Variants in VGLL4 observed in about 807,000 individuals in gnomAD.
VGLL4 encodes the protein vestigial like family member 4.
In VGLL4, 7 loss-of-function variants were observed where a neutral mutation model predicts 21.0. That is an observed-to-expected ratio of 0.33 (90% CI 0.19 to 0.63). The LOEUF is 0.63. VGLL4 is among the 20% of genes least tolerant of loss of function. VGLL4 has a pLI of 0.78. For synonymous variants in VGLL4, 222 were observed against 173.2 expected (o/e 1.28, Z -2.21); for missense variants, 394 against 425.7 (o/e 0.93, Z 0.66).
chr3:11,627,595 CAAAAAA>C (rs57607183), intron 1 of VGLL4, among the ~76,000 whole-genome samples: 120 of 118,788 alleles, frequency 1.0e-3, no homozygotes, highest in Middle Eastern at 4.3e-3. Flanking sequence ...AACTTCATCT[CAAAAAA>C]AAAAAAAAAA....
intron 2 of VGLL4, among the ~76,000 whole-genome samples, chr3:11,596,948 G>C (rs999427243): frequency 6.6e-6 from 1 of 152,080 alleles, no homozygotes; most frequent in East Asian, 1.9e-4. Flanking sequence ...GAGTCCCCTG[G>C]AAAAACGGCT....
intron 1 of VGLL4, among the ~76,000 whole-genome samples, chr3:11,636,221 C>T (rs17778035): frequency 0.18 from 27,368 of 152,118 alleles, 2,701 homozygotes; most frequent in South Asian, 0.26. Context: ...TGTAGAGTCT[C>T]CCAGCTGGAT....
intron 1 of VGLL4, among the ~76,000 whole-genome samples, chr3:11,613,713 A>G (rs2075106589): frequency 6.6e-6 from 1 of 152,172 alleles, no homozygotes; most frequent in East Asian, 1.9e-4. Flanking sequence ...ACCGTGAGGG[A>G]TTTCTATGCG....
intron 2 of VGLL4, among the ~76,000 whole-genome samples, chr3:11,667,454 T>A (rs2076142635): frequency 6.6e-6 from 1 of 152,238 alleles, no homozygotes; most frequent in Non-Finnish European, 1.5e-5. Context: ...ACTATTTACA[T>A]ATTGACATAT....
intron 1 of VGLL4, among the ~76,000 whole-genome samples, chr3:11,706,641 C>T (rs2076764742): frequency 6.6e-6 from 1 of 152,122 alleles, no homozygotes; most frequent in South Asian, 2.1e-4. Flanking sequence ...AATTTCCTTC[C>T]CCGGTTGCCC....
Position 11,719,154 on chromosome 3 carries a change from C to T in VGLL4, c.-14+1240G>A, listed in dbSNP as rs1249909610. Among the ~76,000 whole-genome samples, 1 of 152,194 alleles carries T rather than the reference C, an allele frequency of 6.6e-6. No homozygotes were observed. The highest frequency in any genetic ancestry group is 1.5e-5 in the Non-Finnish European group (1 of 68,020). ...CCTTCCCGCAGTCCACATCACAGCCCTCCCTGAGGCCGGCGGGGACCGCGG... is the reference window on the plus strand; with the variant it reads ...CCTTCCCGCAGTCCACATCACAGCCTTCCCTGAGGCCGGCGGGGACCGCGG... On this transcript the variant is annotated intron_variant, in intron 1 of 5. Transcript: ENST00000273038. This position sits in a 1 kb window ranked among gnomAD's most constrained non-coding sequence, Gnocchi z 4.0.
chr3:11,616,251 G>A (rs985450413), intron 1 of VGLL4, among the ~76,000 whole-genome samples: 1 of 151,978 alleles, frequency 6.6e-6, no homozygotes, highest in Non-Finnish European at 1.5e-5. Context: ...TTTCAGGTCT[G>A]GTCTAGAGTG....
At position 11,558,467 on chromosome 3, in the gene VGLL4, C is replaced by T; in HGVS notation, c.*89G>A. On this transcript the variant is annotated 3_prime_UTR_variant, in exon 5 of 5. Coordinates refer to ENST00000430365, the MANE Select transcript of VGLL4 (RefSeq NM_001128219.3). ...CATCCCTTCCCTTCCCCCCACCCCA[C>T]CCCCATGATTTTTTTTTTTTTAAGT... 1 of 1,290,438 alleles carries T rather than the reference C, an allele frequency of 7.7e-7. No individual in the cohort carries two copies. Among genetic ancestry groups the T allele is most frequent in the South Asian group, 1.3e-5 (1 of 74,186 alleles). 79.9% of individuals were successfully genotyped at this position (1,290,438 alleles called of 1,614,324 possible). A position where few individuals can be genotyped will look rare whatever the true frequency, so the allele number is the denominator to read the frequency against.
At chr3:11,635,164 G>A (rs921689560) in intron 1 of VGLL4, among the ~76,000 whole-genome samples, 1 of 152,224 alleles carries the variant, frequency 6.6e-6, no homozygotes, top group Non-Finnish European at 1.5e-5. Context: ...CAGATTAAGA[G>A]GGAAAGGGCA....
At chr3:11,692,272 G>T (rs1026300725) in intron 2 of VGLL4, among the ~76,000 whole-genome samples, 1 of 152,154 alleles carries the variant, frequency 6.6e-6, no homozygotes, top group African/African-American at 2.4e-5. Flanking sequence ...ATGCTAATTT[G>T]ATCTGATATA....
At chr3:11,693,125 T>A in intron 2 of VGLL4, 1 of 217,224 alleles carries the variant, frequency 4.6e-6, no homozygotes, top group South Asian at 4.9e-5. Context: ...GAGCCAAGAT[T>A]GTGCCACTAT....
In VGLL4 at chr3:11,640,446, T is replaced by TTA. The variant is rs2075667538; in HGVS notation, c.82+2989_82+2990dup. ...TTCAGTGGGGTGATGGACGCAGTGG[T>TTA]TAATTGCTGAGTACGGTAGTAATAA... On this transcript the variant is annotated intron_variant, in intron 1 of 4. Coordinates refer to ENST00000430365, the MANE Select transcript of VGLL4 (RefSeq NM_001128219.3). Among the ~76,000 whole-genome samples the TTA allele has an allele frequency of 2.0e-5, 3 of 152,266 alleles. No homozygotes were observed. The South Asian group carries it at 6.2e-4, about 32-fold the overall frequency.
intron 2 of VGLL4, among the ~76,000 whole-genome samples, chr3:11,600,461 G>T (rs142333587): frequency 6.6e-6 from 1 of 152,292 alleles, no homozygotes; most frequent in East Asian, 1.9e-4. Context: ...AGAATGAACT[G>T]CAAGAGCTGA....
At chr3:11,597,037 A>C (rs537821251) in intron 2 of VGLL4, among the ~76,000 whole-genome samples, 1 of 152,272 alleles carries the variant, frequency 6.6e-6, no homozygotes, top group South Asian at 2.1e-4. Flanking sequence ...AGTGCTCAAC[A>C]ACCACAAGGA....
chr3:11,571,823 T>A (rs913588346), intron 2 of VGLL4, among the ~76,000 whole-genome samples: 10 of 151,880 alleles, frequency 6.6e-5, no homozygotes, highest in African/African-American at 2.2e-4. Flanking sequence ...GAGAAGCCTA[T>A]TGGCCGGGCA....
At chr3:11,662,959 A>C (rs2076057920) in intron 2 of VGLL4, among the ~76,000 whole-genome samples, 1 of 152,208 alleles carries the variant, frequency 6.6e-6, no homozygotes, top group Non-Finnish European at 1.5e-5. Flanking sequence ...TTTATAACAT[A>C]AACTAGGAAA....
chr3:11,635,285 T>C (rs2075564703), intron 1 of VGLL4, among the ~76,000 whole-genome samples: 1 of 152,160 alleles, frequency 6.6e-6, no homozygotes, highest in Non-Finnish European at 1.5e-5. Context: ...GTTTTTGTTT[T>C]AAAGTTGGGA....
chr3:11,641,046 G>C (rs980532178), intron 1 of VGLL4, among the ~76,000 whole-genome samples: 1 of 150,368 alleles, frequency 6.7e-6, no homozygotes, highest in African/African-American at 2.4e-5. Context: ...GAACCCGGGA[G>C]GCAGAGGTTG....
chr3:11,568,668 C>T lies in VGLL4; in HGVS notation c.273-3649G>A, dbSNP rs1242922844. ...CAGACATTGTTTTCCAGGCCCCGCTCGCCCGGATGAATCACCTCCCGGCCA... is the reference window on the plus strand; with the variant it reads ...CAGACATTGTTTTCCAGGCCCCGCTTGCCCGGATGAATCACCTCCCGGCCA... On this transcript the variant is annotated intron_variant, in intron 2 of 4. Coordinates refer to ENST00000430365, the MANE Select transcript of VGLL4 (RefSeq NM_001128219.3). The surrounding 1 kb of genome is among the most constrained non-coding windows in gnomAD (Gnocchi z 5.9). The T allele has an allele frequency of 6.4e-6, 10 of 1,557,248 alleles. No individual in the cohort carries two copies. The highest frequency in any genetic ancestry group is 1.7e-4 in the Middle Eastern group (1 of 5,860).
Sources: gnomAD v4.1 joint callset for allele counts (sites outside exome capture counted in the v4.1 genomes callset) on GRCh38, gnomAD v4.1.1 for gene constraint, Gnocchi (gnomAD v3.1) non-coding constraint, MANE v1.5 for transcripts, NCBI Gene and HGNC (gene_info 2026-07-23, HGNC 2026-07-21) for gene names.